Variants in COL4A2 observed in about 807,000 individuals in gnomAD.
COL4A2 encodes the protein collagen alpha-2(IV) chain.
In COL4A2, 99 loss-of-function variants were observed where a neutral mutation model predicts 200.2. The ratio of observed to expected loss-of-function variants is 0.49; its 90% CI spans 0.42 to 0.58. The LOEUF is 0.58. Ranked by LOEUF, COL4A2 falls within the 20% of genes least tolerant of loss-of-function variation. The pLI is 0.00. For synonymous variants in COL4A2, 897 were observed against 900.6 expected, an observed-to-expected ratio of 1.00 and a Z score of 0.07; for missense variants, 1,950 against 2,314.1, an observed-to-expected ratio of 0.84 and a Z score of 3.23.
intron 4 of COL4A2, among the ~76,000 whole-genome samples, chr13:110,408,831 A>ACC: frequency 8.4e-6 from 1 of 118,420 alleles, no homozygotes; most frequent in East Asian, 2.8e-4. Context: ...ACATGCACAC[A>ACC]CACATACACG....
intron 24 of COL4A2, among the ~76,000 whole-genome samples, chr13:110,464,443 A>G (rs1434595037): frequency 1.3e-5 from 2 of 152,298 alleles, no homozygotes; most frequent in East Asian, 3.9e-4. Flanking sequence ...GCCACCTTCC[A>G]GTGGCATCAT....
At chr13:110,500,766 T>C (rs1435032669) in intron 40 of COL4A2, among the ~76,000 whole-genome samples, 2 of 152,226 alleles carry the variant, frequency 1.3e-5, no homozygotes, top group African/African-American at 4.8e-5. Context: ...TAACGGCACC[T>C]TGTTTAGTGT....
At chr13:110,391,306 T>C (rs1419464829) in intron 4 of COL4A2, among the ~76,000 whole-genome samples, 2 of 152,178 alleles carry the variant, frequency 1.3e-5, no homozygotes, top group Non-Finnish European at 1.5e-5. Context: ...GGGATGTGAC[T>C]TTAGGTCACA....
intron 3 of COL4A2, among the ~76,000 whole-genome samples, chr13:110,352,923 A>G (rs921227302): frequency 1.3e-5 from 2 of 152,140 alleles, no homozygotes; most frequent in Non-Finnish European, 2.9e-5. Context: ...AGCCTGGATC[A>G]CGTTCCACAC....
chr13:110,320,586 CCGAT>C (rs1191313683), intron 3 of COL4A2, among the ~76,000 whole-genome samples: 1 of 152,086 alleles, frequency 6.6e-6, no homozygotes, highest in Non-Finnish European at 1.5e-5. Flanking sequence ...TGGGATGACA[CCGAT>C]AGATATTTCA....
At chr13:110,334,122 C>A (rs1284075193) in intron 3 of COL4A2, among the ~76,000 whole-genome samples, 1 of 152,224 alleles carries the variant, frequency 6.6e-6, no homozygotes. Context: ...TAGACACGGC[C>A]TGAACACAGA....
chr13:110,478,672 G>A (rs543026827), intron 30 of COL4A2, among the ~76,000 whole-genome samples: 65 of 152,332 alleles, frequency 4.3e-4, no homozygotes, highest in Non-Finnish European at 7.6e-4. Context: ...TGCCCAGGCC[G>A]CTCTCCCACA....
At chr13:110,468,014 A>G in intron 27 of COL4A2, 1 of 381,966 alleles carries the variant, frequency 2.6e-6, no homozygotes, top group Admixed American at 3.1e-5. Context: ...CAAGATGAAT[A>G]GTGCAGACAG....
intron 21 of COL4A2, 114 bp downstream of exon 21, chr13:110,457,549 G>A: frequency 1.4e-6 from 1 of 729,836 alleles, no homozygotes. Flanking sequence ...AAATGAGCCT[G>A]CATGTCTCTC....
In COL4A2 at chr13:110,508,205, G is replaced by C; in HGVS notation, c.4865G>C (p.Gly1622Ala). 6.2e-7 allele frequency: 1 copy of C among 1,614,082 alleles called. No homozygotes were observed. Among genetic ancestry groups the C allele is most frequent in the Non-Finnish European group, 8.5e-7 (1 of 1,179,902 alleles). ...GCTGGGTGGCGGAGTTTGTGGATCG[G>C]ATATTCCTTCCTCATGGTATGTGGT... ...CPAGWRSLWI[G>A]YSFLMHTAAG... is the part of the protein sequence containing the mutation. The change falls in exon 47 of 48, where the codon GGA becomes GCA. Residue 1622 changes from glycine to alanine, a missense_variant. By Grantham distance (60) the Gly-to-Ala change is moderately conservative. This residue lies in a region of COL4A2 where 1,385 missense variants were observed against 1,720.5 expected (regional missense o/e 0.80). Transcript: ENST00000360467. This position sits in a 1 kb window ranked among gnomAD's most constrained non-coding sequence, Gnocchi z 6.1.
chr13:110,459,178 T>C, intron 22 of COL4A2: 1 of 395,774 alleles, frequency 2.5e-6, no homozygotes, highest in Non-Finnish European at 4.5e-6. Flanking sequence ...AAGAGTTCAA[T>C]AGGGGGTCAC....
At chr13:110,434,578 AAAT>A in intron 12 of COL4A2, 136 bp downstream of exon 12, 1 of 859,364 alleles carries the variant, frequency 1.2e-6, no homozygotes, top group South Asian at 1.6e-5. Flanking sequence ...TTGCATAGGG[AAAT>A]AATCATTGCA....
chr13:110,480,961 C>T (rs187465633), intron 31 of COL4A2, among the ~76,000 whole-genome samples: 4 of 145,832 alleles, frequency 2.7e-5, no homozygotes, highest in Admixed American at 6.8e-5. Context: ...TCTGTCCCTC[C>T]GTTGCTGGAG....
intron 3 of COL4A2, among the ~76,000 whole-genome samples, chr13:110,325,943 C>A (rs986672239): frequency 6.6e-6 from 1 of 152,092 alleles, no homozygotes; most frequent in African/African-American, 2.4e-5. Context: ...GTCACCAGGC[C>A]GGGCTAATTT....
At chr13:110,358,181 G>A (rs964876886) in intron 4 of COL4A2, among the ~76,000 whole-genome samples, 3 of 151,608 alleles carry the variant, frequency 2.0e-5, no homozygotes, top group South Asian at 2.1e-4. Context: ...GTTTTTATTC[G>A]ATGTTTTTTT....
At chr13:110,427,025 C>T (rs1223449801) in intron 6 of COL4A2, among the ~76,000 whole-genome samples, 1 of 152,218 alleles carries the variant, frequency 6.6e-6, no homozygotes, top group Non-Finnish European at 1.5e-5. Flanking sequence ...CAACCAATGG[C>T]TGTGGACATC....
intron 4 of COL4A2, among the ~76,000 whole-genome samples, chr13:110,417,609 C>T (rs1340955586): frequency 6.6e-6 from 1 of 152,166 alleles, no homozygotes; most frequent in Non-Finnish European, 1.5e-5. Context: ...CTTGTGCCCT[C>T]TCAGTTAGTC....
At chr13:110,402,768 C>T (rs1263543485) in intron 4 of COL4A2, among the ~76,000 whole-genome samples, 3 of 152,264 alleles carry the variant, frequency 2.0e-5, no homozygotes, top group Non-Finnish European at 4.4e-5. Flanking sequence ...GTTGTTGGCC[C>T]TGCTCCTGTG....
At chr13:110,395,466 G>C (rs1350473643) in intron 4 of COL4A2, among the ~76,000 whole-genome samples, 1 of 152,130 alleles carries the variant, frequency 6.6e-6, no homozygotes, top group Non-Finnish European at 1.5e-5. Context: ...TCCTGTCTGT[G>C]TCTCTCTCTC....
Sources: gnomAD v4.1 joint callset for allele counts (sites outside exome capture counted in the v4.1 genomes callset) on GRCh38, gnomAD v4.1.1 for gene constraint, gnomAD v4.1.1 regional missense constraint, Gnocchi (gnomAD v3.1) non-coding constraint, MANE v1.5 for transcripts, NCBI Gene and HGNC (gene_info 2026-07-23, HGNC 2026-07-21) for gene names.